The following ARHGAP18 variants were observed in gnomAD, a reference collection of about 807,000 sequenced individuals.
The protein encoded by ARHGAP18 is rho GTPase-activating protein 18.
A neutral mutation model predicts 86.2 loss-of-function variants in ARHGAP18; 67 were observed. The ratio of observed to expected loss-of-function variants is 0.78; its 90% CI spans 0.64 to 0.95. ARHGAP18 has a LOEUF of 0.95. ARHGAP18 is among the 40% of genes least tolerant of loss of function. The pLI is 0.00. For missense variants in ARHGAP18, 691 were observed against 780.4 expected (o/e 0.89, Z 1.37); for synonymous variants, 283 against 280.4 (o/e 1.01, Z -0.09).
At chr6:129,639,535 C>G (rs1193381334) in intron 2 of ARHGAP18, among the ~76,000 whole-genome samples, 3 of 152,124 alleles carry the variant, frequency 2.0e-5, no homozygotes, top group Non-Finnish European at 2.9e-5. Context: ...TATGCCATAA[C>G]CAAAGGTGAG....
In ARHGAP18 at chr6:129,697,146, G is replaced by A. The variant is rs116985441; in HGVS notation, c.113+12878C>T. Among the ~76,000 whole-genome samples the A allele has an allele frequency of 3.3e-4, 50 of 152,212 alleles. No homozygotes were observed. The East Asian group carries it at 9.5e-3, about 29-fold the overall frequency. ...TACCTGGCTACTGCTGTACTCTCAG[G>A]GAGCCCAAGCCATCCAGAAAATGCA... On this transcript the variant is annotated intron_variant, in intron 1 of 14. Transcript: ENST00000368149.
At chr6:129,677,213 G>A (rs1308328850) in intron 1 of ARHGAP18, among the ~76,000 whole-genome samples, 1 of 152,036 alleles carries the variant, frequency 6.6e-6, no homozygotes, top group East Asian at 1.9e-4. Context: ...CTAACACGGT[G>A]AAACCCCGTC....
At chr6:129,662,594 C>A (rs1307454631) in intron 1 of ARHGAP18, among the ~76,000 whole-genome samples, 1 of 152,218 alleles carries the variant, frequency 6.6e-6, no homozygotes, top group African/African-American at 2.4e-5. Flanking sequence ...ACTGAATGCC[C>A]ATGTGAAGCC....
At chr6:129,664,725 C>A (rs1290698963) in intron 1 of ARHGAP18, among the ~76,000 whole-genome samples, 3 of 152,170 alleles carry the variant, frequency 2.0e-5, no homozygotes, top group Non-Finnish European at 2.9e-5. Context: ...GTGAACAAAA[C>A]AGTCCGTGGT....
intron 12 of ARHGAP18, among the ~76,000 whole-genome samples, chr6:129,586,716 T>C (rs1174245210): frequency 6.6e-6 from 1 of 152,174 alleles, no homozygotes; most frequent in Non-Finnish European, 1.5e-5. Flanking sequence ...GAAAATAATA[T>C]ATTACCATAA....
chr6:129,625,125 A>C (rs544617209), intron 5 of ARHGAP18, among the ~76,000 whole-genome samples: 1 of 22,476 alleles, frequency 4.4e-5, no homozygotes, highest in Non-Finnish European at 6.1e-5. Context: ...ATAGATATAT[A>C]TTATATATGA....
chr6:129,627,625 TAGAG>T (rs1389782331), intron 5 of ARHGAP18, among the ~76,000 whole-genome samples: 3 of 142,800 alleles, frequency 2.1e-5, no homozygotes, highest in East Asian at 2.0e-4. Flanking sequence ...GAAGGAAAAA[TAGAG>T]AGAGGAAGGG....
Position 129,638,554 on chromosome 6 carries a change from T to C in ARHGAP18, c.392A>G (p.Gln131Arg), listed in dbSNP as rs150828400. ...TGTTGATAAAAACACAATGCTTTCC[T>C]GTGGATCTCCAGCAGACTCTCCGAA... Reference protein sequence around the residue: ...NLFGESAGDPQESIVFLSTLT... With the variant: ...NLFGESAGDPRESIVFLSTLT... The change falls in exon 3 of 15, where the codon CAG becomes CGG. Residue 131 changes from glutamine to arginine, a missense_variant. By Grantham distance (43) the Gln-to-Arg change is conservative. Transcript: ENST00000368149. 1.8e-5 allele frequency: 29 copies of C among 1,614,084 alleles called. No individual in the cohort carries two copies. Among genetic ancestry groups the C allele is most frequent in the Non-Finnish European group, 2.4e-5 (28 of 1,180,042 alleles).
intron 5 of ARHGAP18, among the ~76,000 whole-genome samples, chr6:129,628,262 G>A (rs1584066578): frequency 6.6e-6 from 1 of 152,264 alleles, no homozygotes; most frequent in East Asian, 1.9e-4. Context: ...AAATTACAAA[G>A]AGAGCCTGGA....
chr6:129,582,288 G>A (rs1208571366), intron 13 of ARHGAP18, among the ~76,000 whole-genome samples: 1 of 152,110 alleles, frequency 6.6e-6, no homozygotes, highest in Non-Finnish European at 1.5e-5. Flanking sequence ...TTGTTTTCAT[G>A]CTATACCTTA....
intron 1 of ARHGAP18, among the ~76,000 whole-genome samples, chr6:129,671,535 TA>T (rs985431825): frequency 3.3e-5 from 5 of 150,788 alleles, no homozygotes; most frequent in Admixed American, 6.6e-5. Context: ...CTCATCTCTA[TA>T]AAAAAAAATT....
At chr6:129,648,966 C>G (rs1223570210) in intron 1 of ARHGAP18, among the ~76,000 whole-genome samples, 2 of 152,186 alleles carry the variant, frequency 1.3e-5, no homozygotes, top group Non-Finnish European at 2.9e-5. Flanking sequence ...TAGCTGAAAG[C>G]AGTCATTATT....
At chr6:129,685,767 C>G (rs1774413277) in intron 1 of ARHGAP18, among the ~76,000 whole-genome samples, 1 of 117,748 alleles carries the variant, frequency 8.5e-6, no homozygotes, top group Non-Finnish European at 1.9e-5. Context: ...TTTTCCTCTC[C>G]CACTTCCTCT....
chr6:129,629,342 G>T lies in ARHGAP18; in HGVS notation c.786+11C>A, dbSNP rs199629333. 9.3e-6 allele frequency: 15 copies of T among 1,611,646 alleles called. No homozygotes were observed. The African/African-American group carries it at 1.9e-4, about 20-fold the overall frequency. Reference sequence around the variant, plus strand: ...ACATATATGTATATTTATAAAGAGTGTACTACGTACAGGTAATGTGGCATC... The same window carrying T: ...ACATATATGTATATTTATAAAGAGTTTACTACGTACAGGTAATGTGGCATC... On this transcript the variant is annotated intron_variant, in intron 5 of 14. Transcript: ENST00000368149.
rs200222519 is a variant in ARHGAP18, at chr6:129,641,909, T to C, written c.223A>G (p.Met75Val). 2 of 1,613,848 alleles carry C rather than the reference T, an allele frequency of 1.2e-6. No homozygotes were observed. The highest frequency in any genetic ancestry group is 8.5e-7 in the Non-Finnish European group (1 of 1,179,888). ...ISQDSLDELS[M>V]EDYWIELENI... ...TCTAGTTCTATCCAATAGTCTTCCA[T>C]AGATAGTTCATCCAAAGAATCCTGG... The change falls in exon 2 of 15, where the codon ATG becomes GTG. Residue 75 changes from methionine (M) to valine (V), a missense_variant. Met to Val is a conservative substitution (Grantham distance 21, BLOSUM62 1). Coordinates refer to ENST00000368149, the MANE Select transcript of ARHGAP18 (RefSeq NM_033515.3).
chr6:129,602,987 T>TTA (rs34563210), intron 10 of ARHGAP18, among the ~76,000 whole-genome samples: 49,730 of 146,546 alleles, frequency 0.34, 8,888 homozygotes, highest in African/African-American at 0.46. Context: ...AATTTCCCCT[T>TTA]TATATATATA....
intron 3 of ARHGAP18, among the ~76,000 whole-genome samples, chr6:129,635,425 C>A (rs1249107871): frequency 2.6e-5 from 4 of 152,204 alleles, no homozygotes; most frequent in African/African-American, 9.7e-5. Flanking sequence ...GGGTACCCAG[C>A]ATCACTTTAA....
At position 129,578,332 on chromosome 6, in the gene ARHGAP18, ATAAT is replaced by A. The variant is rs1228486248; in HGVS notation, c.*177_*180del. The A allele has an allele frequency of 1.1e-5, 3 of 279,526 alleles. No individual in the cohort carries two copies. The highest frequency in any genetic ancestry group is 1.9e-5 in the Non-Finnish European group (3 of 153,994). The allele number at this position is 279,526 out of a possible 1,614,324, so 17.3% of individuals were successfully genotyped here. A position where few individuals can be genotyped will look rare whatever the true frequency, so the allele number is the denominator to read the frequency against. On this transcript the variant is annotated 3_prime_UTR_variant, in exon 15 of 15. Transcript: ENST00000368149. ...TTTTTTTCTAATAATAACATTAATA[ATAAT>A]TAATATAATTCTGGCAGCAGCACAA...
intron 1 of ARHGAP18, among the ~76,000 whole-genome samples, chr6:129,647,172 C>A (rs1773597679): frequency 6.6e-6 from 1 of 152,090 alleles, no homozygotes. Context: ...TACTGTTAAT[C>A]ATTTGCTGGT....
Sources: gnomAD v4.1 joint callset for allele counts (sites outside exome capture counted in the v4.1 genomes callset) on GRCh38, gnomAD v4.1.1 for gene constraint, MANE v1.5 for transcripts, NCBI Gene and HGNC (gene_info 2026-07-23, HGNC 2026-07-21) for gene names.